The following KRT8 variants were observed in gnomAD, a reference collection of about 807,000 sequenced individuals.
KRT8 encodes keratin, type II cytoskeletal 8.
Under a neutral mutation model 43.0 loss-of-function variants are expected in KRT8, and 24 were observed. That is an observed-to-expected ratio of 0.56 (90% CI 0.40 to 0.78). KRT8 has a LOEUF of 0.78. Ranked by LOEUF, KRT8 falls within the 30% of genes least tolerant of loss-of-function variation. The pLI is 0.00. For missense variants in KRT8, 492 were observed against 638.4 expected (o/e 0.77, Z 2.47); for synonymous variants, 214 against 261.2 (o/e 0.82, Z 1.74).
chr12:52,912,672 C>G (rs1437812881), intron 2 of KRT8, among the ~76,000 whole-genome samples: 2 of 152,224 alleles, frequency 1.3e-5, no homozygotes, highest in Non-Finnish European at 2.9e-5. Flanking sequence ...AGTCGCCTGG[C>G]CTCCATGTCT....
At chr12:52,930,468 G>A (rs543850466) in intron 2 of KRT8, among the ~76,000 whole-genome samples, 11 of 152,270 alleles carry the variant, frequency 7.2e-5, no homozygotes, top group South Asian at 6.2e-4. Context: ...CGATCCACCC[G>A]CCTCAGCCTC....
chr12:52,922,612 G>T (rs1025820200), intron 2 of KRT8, among the ~76,000 whole-genome samples: 3 of 152,198 alleles, frequency 2.0e-5, no homozygotes, highest in African/African-American at 7.2e-5. Flanking sequence ...GGCAGACTTT[G>T]CAGTGAGCTG....
intron 2 of KRT8, among the ~76,000 whole-genome samples, chr12:52,936,672 C>T (rs527343367): frequency 7.7e-4 from 117 of 152,158 alleles, no homozygotes; most frequent in African/African-American, 2.6e-3. Flanking sequence ...GCCACTATGC[C>T]CGGCTAATTT....
intron 2 of KRT8, among the ~76,000 whole-genome samples, chr12:52,937,085 T>C (rs1004005167): frequency 6.6e-6 from 1 of 152,144 alleles, no homozygotes; most frequent in Admixed American, 6.5e-5. Context: ...AAAAAAGAGA[T>C]ACAGGCCGGG....
rs922083965 is a variant in KRT8, at chr12:52,897,713, G to C, written c.1262-95C>G. On this transcript the variant is annotated intron_variant, in intron 7 of 7. Coordinates refer to ENST00000692008, the Ensembl canonical transcript of KRT8. The stretch of plus-strand genomic sequence containing the variant: ...CCTGCTCATTCCCAACATAGCCCCA[G>C]GGATGGGAGGTTAACCCAGCTCTGC... 8.4e-6 allele frequency: 13 copies of C among 1,542,914 alleles called. No homozygotes were observed. The East Asian group carries it at 2.9e-4, about 35-fold the overall frequency.
intron 2 of KRT8, among the ~76,000 whole-genome samples, chr12:52,931,684 C>G (rs150789965): frequency 0.012 from 1,641 of 141,334 alleles, 31 homozygotes; most frequent in African/African-American, 0.042. Context: ...ATATTTGAGA[C>G]GGAGTTTCGC....
intron 2 of KRT8, chr12:52,926,399 G>T: frequency 1.4e-6 from 2 of 1,464,854 alleles, no homozygotes; most frequent in South Asian, 2.4e-5. Context: ...ACCTGCACCT[G>T]TTGAAACCTT....
chr12:52,933,007 G>A (rs7297834), intron 2 of KRT8, among the ~76,000 whole-genome samples: 52,031 of 151,954 alleles, frequency 0.34, 9,303 homozygotes, highest in Middle Eastern at 0.42. Flanking sequence ...GCAGTGGCGC[G>A]ATCTCAGCTC....
intron 2 of KRT8, chr12:52,949,408 A>G (rs1161922697): frequency 1.9e-6 from 3 of 1,612,342 alleles, no homozygotes; most frequent in Non-Finnish European, 2.5e-6. Context: ...AGGCATCCAG[A>G]ACGAGAAGGA....
chr12:52,923,330 C>A (rs1288471117), intron 2 of KRT8, among the ~76,000 whole-genome samples: 1 of 152,208 alleles, frequency 6.6e-6, no homozygotes, highest in Non-Finnish European at 1.5e-5. Flanking sequence ...TGCTGTGTGA[C>A]ATTGGACAAG....
At chr12:52,941,476 CTCTTT>C in intron 2 of KRT8, among the ~76,000 whole-genome samples, 1 of 109,008 alleles carries the variant, frequency 9.2e-6, no homozygotes, top group South Asian at 3.0e-4. Flanking sequence ...CAAGTTTTTG[CTCTTT>C]TTTTTTTTTT....
intron 1 of KRT8, 42 bp downstream of exon 1, chr12:52,904,616 A>G: frequency 6.3e-7 from 1 of 1,574,920 alleles, no homozygotes; most frequent in Non-Finnish European, 8.7e-7. Context: ...ACCAGGAGAA[A>G]GGGGCTGCGG....
intron 1 of KRT8, among the ~76,000 whole-genome samples, chr12:52,904,258 TAA>T (rs1941455387): frequency 6.6e-6 from 1 of 152,144 alleles, no homozygotes; most frequent in Non-Finnish European, 1.5e-5. Flanking sequence ...GGCGATAGCT[TAA>T]AAGACGGTCA....
chr12:52,898,887 C>G, exon 6 of KRT8: 2 of 1,613,474 alleles, frequency 1.2e-6, no homozygotes, highest in Non-Finnish European at 8.5e-7. Context: ...ATGGCGGCCT[C>G]CAGGGAAGCC....
intron 7 of KRT8, among the ~76,000 whole-genome samples, chr12:52,898,052 T>C (rs1941258444): frequency 6.6e-6 from 1 of 152,144 alleles, no homozygotes; most frequent in Admixed American, 6.5e-5. Context: ...TAGTCCCAGC[T>C]ACTTGGGAGG....
chr12:52,926,341 A>ACCCC, intron 2 of KRT8: 1 of 322,126 alleles, frequency 3.1e-6, no homozygotes, highest in Non-Finnish European at 5.8e-6. Context: ...TGCCCTCCCC[A>ACCCC]CCCCACCCCC....
chr12:52,917,195 G>A (rs990778712), intron 2 of KRT8, among the ~76,000 whole-genome samples: 2 of 151,830 alleles, frequency 1.3e-5, no homozygotes, highest in African/African-American at 2.4e-5. Context: ...TTCAAGACCA[G>A]CCTGACCAAC....
intron 2 of KRT8, among the ~76,000 whole-genome samples, chr12:52,935,403 A>AAGAAC (rs1289516670): frequency 7.0e-6 from 1 of 143,682 alleles, no homozygotes; most frequent in Admixed American, 7.0e-5. Context: ...AAAAAAAAAA[A>AAGAAC]AAAAAAAGGC....
At chr12:52,918,905 G>A (rs1484062183) in intron 2 of KRT8, among the ~76,000 whole-genome samples, 3 of 152,072 alleles carry the variant, frequency 2.0e-5, no homozygotes, top group Non-Finnish European at 2.9e-5. Context: ...GTGTTTCCCT[G>A]CATGAAATAA....
Sources: gnomAD v4.1 joint callset for allele counts (sites outside exome capture counted in the v4.1 genomes callset) on GRCh38, gnomAD v4.1.1 for gene constraint, MANE v1.5 for transcripts, NCBI Gene and HGNC (gene_info 2026-07-23, HGNC 2026-07-21) for gene names.